GABRG3: variants seen among roughly 807,000 people sequenced by gnomAD.
GABRG3 encodes the protein gamma-aminobutyric acid type A receptor subunit gamma3.
A neutral mutation model predicts 48.8 loss-of-function variants in GABRG3; 25 were observed. The ratio of observed to expected loss-of-function variants is 0.51; its 90% CI spans 0.37 to 0.72. The LOEUF is 0.72. GABRG3 is among the 30% of genes least tolerant of loss of function. GABRG3 has a pLI of 0.00. For synonymous variants in GABRG3, 227 were observed against 217.6 expected, an observed-to-expected ratio of 1.04 and a Z score of -0.38; for missense variants, 394 against 577.9, an observed-to-expected ratio of 0.68 and a Z score of 3.26.
At chr15:27,276,067 G>A (rs536330298) in intron 3 of GABRG3, among the ~76,000 whole-genome samples, 1 of 152,296 alleles carries the variant, frequency 6.6e-6, no homozygotes, top group African/African-American at 2.4e-5. Context: ...ATGAGAACGA[G>A]CAAAGGCTGT....
chr15:27,470,534 T>G (rs1248284605), intron 5 of GABRG3, among the ~76,000 whole-genome samples: 1 of 151,994 alleles, frequency 6.6e-6, no homozygotes, highest in Non-Finnish European at 1.5e-5. Flanking sequence ...ATCCTTTTTT[T>G]TTTTTTATTG....
intron 3 of GABRG3, among the ~76,000 whole-genome samples, chr15:27,121,398 T>C (rs1595536114): frequency 6.6e-6 from 1 of 152,326 alleles, no homozygotes; most frequent in East Asian, 1.9e-4. Context: ...GGGGCTCAAC[T>C]TCCCTTCGGC....
chr15:26,984,254 T>C (rs1268206084), intron 2 of GABRG3, among the ~76,000 whole-genome samples: 1 of 152,098 alleles, frequency 6.6e-6, no homozygotes, highest in Non-Finnish European at 1.5e-5. Flanking sequence ...TGTTTCCAAT[T>C]CCTAACTATA....
intron 3 of GABRG3, among the ~76,000 whole-genome samples, chr15:27,286,468 G>T (rs907021794): frequency 3.3e-5 from 5 of 152,194 alleles, no homozygotes; most frequent in Admixed American, 2.6e-4. Flanking sequence ...TTGGGATAGG[G>T]ATACAGACAA....
chr15:27,339,594 A>G (rs924233587), intron 5 of GABRG3, among the ~76,000 whole-genome samples: 3 of 152,232 alleles, frequency 2.0e-5, no homozygotes, highest in African/African-American at 7.2e-5. Context: ...ATTCCTGCTA[A>G]GATGACAGTG....
At chr15:27,455,164 C>G (rs1287545993) in intron 5 of GABRG3, among the ~76,000 whole-genome samples, 1 of 152,162 alleles carries the variant, frequency 6.6e-6, no homozygotes, top group African/African-American at 2.4e-5. Context: ...TTTGTGAGGT[C>G]TTAGAAGGTG....
intron 3 of GABRG3, among the ~76,000 whole-genome samples, chr15:27,148,383 G>T (rs1435064745): frequency 6.6e-6 from 1 of 151,930 alleles, no homozygotes; most frequent in Non-Finnish European, 1.5e-5. Context: ...GTAAAGTGTA[G>T]ACCTAAATGG....
intron 3 of GABRG3, among the ~76,000 whole-genome samples, chr15:27,146,320 G>A (rs1242635820): frequency 6.6e-6 from 1 of 152,098 alleles, no homozygotes; most frequent in Non-Finnish European, 1.5e-5. Flanking sequence ...AGCCAGGTTT[G>A]ATGGCCGGTG....
At chr15:27,484,218 G>T (rs1253626684) in intron 6 of GABRG3, among the ~76,000 whole-genome samples, 2 of 152,206 alleles carry the variant, frequency 1.3e-5, no homozygotes, top group African/African-American at 4.8e-5. Context: ...TTACAGGTGT[G>T]AGCCACTGCG....
At chr15:27,489,213 C>CT (rs1166221013) in intron 6 of GABRG3, among the ~76,000 whole-genome samples, 1 of 152,112 alleles carries the variant, frequency 6.6e-6, no homozygotes, top group East Asian at 1.9e-4. Context: ...TGAACTCATC[C>CT]TTTTTTATGG....
At chr15:27,130,239 A>G (rs1897892937) in intron 3 of GABRG3, among the ~76,000 whole-genome samples, 1 of 152,114 alleles carries the variant, frequency 6.6e-6, no homozygotes, top group Non-Finnish European at 1.5e-5. Flanking sequence ...GTGGTGTAAG[A>G]TAAAGTCCCA....
intron 3 of GABRG3, among the ~76,000 whole-genome samples, chr15:27,076,958 C>G (rs1896920645): frequency 6.6e-6 from 1 of 152,182 alleles, no homozygotes; most frequent in African/African-American, 2.4e-5. Context: ...ATGTATCTTC[C>G]TTATGAAAAG....
chr15:27,171,461 C>T (rs1275376446), intron 3 of GABRG3, among the ~76,000 whole-genome samples: 1 of 150,794 alleles, frequency 6.6e-6, no homozygotes, highest in East Asian at 1.9e-4. Flanking sequence ...AGACATATGC[C>T]ATGCTATCAC....
At chr15:27,433,020 A>C (rs574562426) in intron 5 of GABRG3, among the ~76,000 whole-genome samples, 1 of 152,342 alleles carries the variant, frequency 6.6e-6, no homozygotes, top group African/African-American at 2.4e-5. Flanking sequence ...GAATGTGTTT[A>C]CGATGATTTA....
At chr15:27,361,495 C>T (rs559630806) in intron 5 of GABRG3, among the ~76,000 whole-genome samples, 1 of 152,276 alleles carries the variant, frequency 6.6e-6, no homozygotes, top group East Asian at 1.9e-4. Context: ...GTATTATTTT[C>T]CTGGGTAAAC....
rs1217074289 is a variant in GABRG3 at position 27,447,862 on chromosome 15, G to A, written c.575-32788G>A. 6.6e-6 allele frequency among the ~76,000 whole-genome samples: 1 copy of A among 152,142 alleles called. No homozygotes were observed. The highest frequency in any genetic ancestry group is 1.5e-5 in the Non-Finnish European group (1 of 68,034). On this transcript the variant is annotated intron_variant, in intron 5 of 9. Transcript: ENST00000615808. This position sits in a 1 kb window ranked among gnomAD's most constrained non-coding sequence, Gnocchi z 4.0. ...ACCAGGGCCTGTCAGGGGTAAGGGGGCTGGGGGAGAGATAGCATTAGGAAA... is the reference window on the plus strand; with the variant it reads ...ACCAGGGCCTGTCAGGGGTAAGGGGACTGGGGGAGAGATAGCATTAGGAAA...
chr15:27,324,675 T>G (rs1893545986), intron 3 of GABRG3, among the ~76,000 whole-genome samples: 1 of 152,204 alleles, frequency 6.6e-6, no homozygotes, highest in African/African-American at 2.4e-5. Context: ...TTGGCAGAAC[T>G]TCCTTAAAAC....
chr15:27,483,418 T>C (rs943188406), intron 6 of GABRG3: 2 of 152,264 alleles, frequency 1.3e-5, no homozygotes, highest in African/African-American at 4.8e-5. Context: ...CCTGCCTTCA[T>C]GACCTCAACT....
intron 3 of GABRG3, among the ~76,000 whole-genome samples, chr15:27,193,800 C>T (rs932388441): frequency 6.6e-6 from 1 of 152,182 alleles, no homozygotes; most frequent in East Asian, 1.9e-4. Context: ...AGAAATCACC[C>T]GTTTTCTGCG....
Sources: allele counts gnomAD v4.1 joint callset (sites outside exome capture counted in the v4.1 genomes callset), GRCh38; gene constraint gnomAD v4.1.1; non-coding constraint Gnocchi (gnomAD v3.1); transcripts MANE v1.5; gene names NCBI Gene and HGNC (gene_info 2026-07-23, HGNC 2026-07-21).